The following CAPN13 variants were observed in gnomAD, a reference collection of about 807,000 sequenced individuals.
CAPN13 encodes calpain-13.
In CAPN13, 90 loss-of-function variants were observed where a neutral mutation model predicts 98.4. The ratio of observed to expected loss-of-function variants is 0.92; its 90% CI spans 0.77 to 1.09. The LOEUF (loss-of-function observed/expected upper bound fraction) is 1.09, where lower values mean the gene tolerates loss of function less well. Among genes scored for constraint, CAPN13 ranks in the 50% least tolerant of loss-of-function variants. CAPN13 has a pLI of 0.00. For missense variants in CAPN13, 887 were observed against 841.3 expected (o/e 1.05, Z -0.67); for synonymous variants, 330 against 305.5 (o/e 1.08, Z -0.84).
intron 11 of CAPN13, among the ~76,000 whole-genome samples, chr2:30,746,127 G>A (rs1671899462): frequency 6.6e-6 from 1 of 152,054 alleles, no homozygotes. Context: ...TTGAACTCCC[G>A]ACCTCAGGAT....
intron 5 of CAPN13, among the ~76,000 whole-genome samples, chr2:30,768,822 C>G (rs1673240081): frequency 6.6e-6 from 1 of 152,026 alleles, no homozygotes; most frequent in African/African-American, 2.4e-5. Flanking sequence ...ACAGAGTTTC[C>G]ATTTCCATAA....
intron 8 of CAPN13, among the ~76,000 whole-genome samples, chr2:30,755,132 C>T (rs72867146): frequency 1.3e-5 from 2 of 151,752 alleles, no homozygotes; most frequent in Non-Finnish European, 2.9e-5. Flanking sequence ...ACCACCCCCC[C>T]AAGCCCAACT....
intron 1 of CAPN13, among the ~76,000 whole-genome samples, chr2:30,788,692 TA>T (rs1339940437): frequency 6.6e-6 from 1 of 152,218 alleles, no homozygotes; most frequent in East Asian, 1.9e-4. Context: ...TATGAACTCA[TA>T]ATCAAAATTT....
intron 18 of CAPN13, among the ~76,000 whole-genome samples, chr2:30,735,431 TG>T (rs1179746064): frequency 6.6e-6 from 1 of 152,218 alleles, no homozygotes; most frequent in Non-Finnish European, 1.5e-5. Context: ...GACAGCTTTT[TG>T]GGGGCCTTAT....
rs924828289 is a variant in CAPN13 at position 30,742,070 on chromosome 2, T to C, written c.1480-106A>G. On this transcript the variant is annotated intron_variant, in intron 14 of 22. Transcript: ENST00000295055. ...CCTGCCAAGATCTGAGAAAGAGTCT[T>C]TATTGGGCAGTTGGAAAAAGCCTTC... The C allele has an allele frequency of 1.1e-5, 12 of 1,112,194 alleles. No individual in the cohort carries two copies. In the African/African-American group the frequency reaches 1.7e-4, roughly 16 times the overall value. 68.9% of individuals were successfully genotyped at this position (1,112,194 alleles called of 1,614,324 possible).
At chr2:30,761,924 G>C (rs1044546098) in intron 7 of CAPN13, among the ~76,000 whole-genome samples, 5 of 152,216 alleles carry the variant, frequency 3.3e-5, no homozygotes, top group African/African-American at 1.2e-4. Flanking sequence ...GCCACACATA[G>C]AGCCTGATGC....
intron 15 of CAPN13, 88 bp downstream of exon 15, chr2:30,741,820 A>T (rs1671673215): frequency 6.2e-7 from 1 of 1,603,362 alleles, no homozygotes; most frequent in African/African-American, 1.3e-5. Flanking sequence ...TCCTCTCTGC[A>T]TCCCAGTAAG....
chr2:30,751,048 C>G, intron 11 of CAPN13, 55 bp downstream of exon 11: 1 of 1,587,010 alleles, frequency 6.3e-7, no homozygotes, highest in South Asian at 1.1e-5. Flanking sequence ...TTCTCCCCAA[C>G]TCAAGGTTTA....
chr2:30,763,811 G>A (rs1337183058), intron 6 of CAPN13, among the ~76,000 whole-genome samples: 2 of 152,244 alleles, frequency 1.3e-5, no homozygotes, highest in African/African-American at 4.8e-5. Context: ...CCCACTGGTT[G>A]CTTGGGAGCT....
chr2:30,770,932 G>GT (rs1673374981), intron 4 of CAPN13, among the ~76,000 whole-genome samples: 1 of 152,184 alleles, frequency 6.6e-6, no homozygotes, highest in African/African-American at 2.4e-5. Context: ...GACAGGGAAG[G>GT]TATCCCAGAC....
chr2:30,761,961 T>A (rs1284674375), intron 7 of CAPN13, among the ~76,000 whole-genome samples: 2 of 152,318 alleles, frequency 1.3e-5, no homozygotes, highest in East Asian at 3.9e-4. Context: ...CATAAAGTCC[T>A]GGGAGAAATT....
intron 15 of CAPN13, among the ~76,000 whole-genome samples, chr2:30,740,568 G>A (rs953834747): frequency 6.6e-6 from 1 of 152,250 alleles, no homozygotes; most frequent in Non-Finnish European, 1.5e-5. Context: ...GGGCCTGGCT[G>A]AGAGGTGAAA....
chr2:30,802,175 G>T lies in CAPN13; in HGVS notation c.-33+5127C>A, dbSNP rs546267284. 2.1e-3 allele frequency among the ~76,000 whole-genome samples: 323 copies of T among 152,200 alleles called. 1 individual carries two copies. The highest frequency in any genetic ancestry group is 3.6e-3 in the Non-Finnish European group (243 of 67,994). On this transcript the variant is annotated intron_variant, in intron 1 of 22. Coordinates refer to ENST00000295055, the MANE Select transcript of CAPN13 (RefSeq NM_144575.3). ...TGGGAGCTCTGGTTGGGGGGTGGCG[G>T]GGGTTTGGAGACAAATCCAGTAGTA...
At chr2:30,795,981 G>C (rs1454713454) in intron 1 of CAPN13, among the ~76,000 whole-genome samples, 1 of 151,464 alleles carries the variant, frequency 6.6e-6, no homozygotes, top group Admixed American at 6.6e-5. Flanking sequence ...ATCTGAAATA[G>C]ACTTGCAGAG....
rs115720511 is a variant in CAPN13, at chr2:30,778,672, G to C, written c.199-1033C>G. On this transcript the variant is annotated intron_variant, in intron 2 of 22. Coordinates refer to ENST00000295055, the MANE Select transcript of CAPN13 (RefSeq NM_144575.3). Reference sequence around the variant, plus strand: ...CATAAACTGCCCAGGTTTCCTGGAAGAGATGCACACTAAGGGGAAAACGAA... The same window carrying C: ...CATAAACTGCCCAGGTTTCCTGGAACAGATGCACACTAAGGGGAAAACGAA... Among the ~76,000 whole-genome samples the C allele has an allele frequency of 5.4e-3, 818 of 152,312 alleles. 7 individuals are homozygous for C. Among genetic ancestry groups the C allele is most frequent in the African/African-American group, 0.018 (733 of 41,552 alleles).
chr2:30,807,153 C>A (rs1439997424), intron 1 of CAPN13, 149 bp downstream of exon 1: 6 of 152,184 alleles, frequency 3.9e-5, no homozygotes, highest in African/African-American at 9.6e-5. Flanking sequence ...ATCAAAAAAA[C>A]CCAGCTTCCA....
intron 1 of CAPN13, among the ~76,000 whole-genome samples, chr2:30,793,111 A>G (rs1674685313): frequency 6.6e-6 from 1 of 151,862 alleles, no homozygotes; most frequent in African/African-American, 2.4e-5. Context: ...AAGAATGCCC[A>G]CTGTTATAGT....
In CAPN13 at chr2:30,734,434, A is replaced by G. The variant is rs1252491422; in HGVS notation, c.1798+15T>C. 3.1e-6 allele frequency: 5 copies of G among 1,611,400 alleles called. No individual in the cohort carries two copies. The African/African-American group carries it at 6.7e-5, about 22-fold the overall frequency. On this transcript the variant is annotated intron_variant, in intron 19 of 22. Coordinates refer to ENST00000295055, the MANE Select transcript of CAPN13 (RefSeq NM_144575.3). ...CCGGACCTTGGGCACCACAGCTCCA[A>G]AGTCCCCATTGTACCTGTATTCTCT...
At chr2:30,792,239 A>T (rs1674641579) in intron 1 of CAPN13, among the ~76,000 whole-genome samples, 1 of 152,156 alleles carries the variant, frequency 6.6e-6, no homozygotes, top group Non-Finnish European at 1.5e-5. Flanking sequence ...AACAGAAGAC[A>T]GACAACAGAT....
Sources: allele counts gnomAD v4.1 joint callset (sites outside exome capture counted in the v4.1 genomes callset), GRCh38; gene constraint gnomAD v4.1.1; transcripts MANE v1.5; gene names NCBI Gene and HGNC (gene_info 2026-07-23, HGNC 2026-07-21).